AP3B1: variants seen among roughly 807,000 people sequenced by gnomAD.
AP3B1 encodes the protein adaptor related protein complex 3 subunit beta 1, also known as AP-3 complex subunit beta-1.
In AP3B1, 61 loss-of-function variants were observed where a neutral mutation model predicts 132.5. The ratio of observed to expected loss-of-function variants is 0.46; its 90% CI spans 0.37 to 0.57. The LOEUF (loss-of-function observed/expected upper bound fraction) is 0.57, where lower values mean the gene tolerates loss of function less well. Ranked by LOEUF, AP3B1 falls within the 20% of genes least tolerant of loss-of-function variation. The pLI is 0.00. For synonymous variants in AP3B1, 388 were observed against 438.3 expected, an observed-to-expected ratio of 0.89 and a Z score of 1.43; for missense variants, 1,120 against 1,289.4, an observed-to-expected ratio of 0.87 and a Z score of 2.01.
chr5:78,104,203 A>G (rs1751241819), intron 20 of AP3B1, among the ~76,000 whole-genome samples: 1 of 152,190 alleles, frequency 6.6e-6, no homozygotes, highest in Admixed American at 6.5e-5. Flanking sequence ...AGATAATTTA[A>G]TGACTTTTTT....
intron 15 of AP3B1, among the ~76,000 whole-genome samples, chr5:78,130,595 G>GGTC (rs1752644471): frequency 6.6e-6 from 1 of 152,000 alleles, no homozygotes; most frequent in Admixed American, 6.6e-5. Flanking sequence ...GCTGGTTCAA[G>GGTC]TACAGGTAAG....
At chr5:78,089,749 A>C (rs1035947919) in intron 21 of AP3B1, among the ~76,000 whole-genome samples, 2 of 152,212 alleles carry the variant, frequency 1.3e-5, no homozygotes, top group Non-Finnish European at 2.9e-5. Context: ...ATAGTTTGTG[A>C]AAATTTTTAT....
chr5:78,021,048 G>T (rs1277528845), intron 24 of AP3B1, among the ~76,000 whole-genome samples: 1 of 151,604 alleles, frequency 6.6e-6, no homozygotes, highest in Non-Finnish European at 1.5e-5. Context: ...ATTTGAAAAA[G>T]AACTTTAAAA....
In AP3B1 at chr5:78,108,559, T is replaced by C. The variant is rs375916373; in HGVS notation, c.2397+1648A>G. ...AAATAAGCCACCTAAGGGAAACACATGAACACAAAACTATCAACAATGTGA... is the reference window on the plus strand; with the variant it reads ...AAATAAGCCACCTAAGGGAAACACACGAACACAAAACTATCAACAATGTGA... On this transcript the variant is annotated intron_variant, in intron 20 of 26. Coordinates refer to ENST00000255194, the MANE Select transcript of AP3B1 (RefSeq NM_003664.5). Among the ~76,000 whole-genome samples the C allele has an allele frequency of 2.2e-4, 34 of 152,252 alleles. 1 individual carries two copies. Among genetic ancestry groups the C allele is most frequent in the East Asian group, 1.9e-3 (10 of 5,186 alleles).
chr5:78,127,794 T>C (rs538270258), intron 17 of AP3B1, among the ~76,000 whole-genome samples: 3 of 152,320 alleles, frequency 2.0e-5, no homozygotes, highest in East Asian at 3.9e-4. Flanking sequence ...GTGGCACTGA[T>C]GCAGAGAATT....
intron 6 of AP3B1, among the ~76,000 whole-genome samples, chr5:78,225,263 G>C (rs1164752309): frequency 3.3e-5 from 5 of 152,030 alleles, no homozygotes; most frequent in African/African-American, 1.2e-4. Context: ...TCTATTCCTT[G>C]ATCTTACCAT....
chr5:78,211,603 C>A (rs906213516), intron 7 of AP3B1, among the ~76,000 whole-genome samples: 1 of 152,166 alleles, frequency 6.6e-6, no homozygotes, highest in Non-Finnish European at 1.5e-5. Flanking sequence ...AGCATATTAA[C>A]GTAAACAAAT....
In AP3B1 at chr5:78,012,486, T is replaced by TAC. The variant is rs538944165; in HGVS notation, c.3131+2922_3131+2923dup. 1.2e-4 allele frequency among the ~76,000 whole-genome samples: 18 copies of TAC among 152,360 alleles called. No homozygotes were observed. The East Asian group carries it at 3.5e-3, about 29-fold the overall frequency. On this transcript the variant is annotated intron_variant, in intron 26 of 26. Transcript: ENST00000255194. ...AATAAAAATAACTTTAGGTGTTTGT[T>TAC]ACCTGGAAGCTTTCTAAAATTTAGA...
In AP3B1 at chr5:78,055,156, G is replaced by A. The variant is rs185949694; in HGVS notation, c.2578-15882C>T. On this transcript the variant is annotated intron_variant, in intron 22 of 26. Transcript: ENST00000255194. The stretch of plus-strand genomic sequence containing the variant: ...GGAGAGAACGTGATTTACTACATAA[G>A]GCCTGGTTTTCTTCATGGCAAAGGC... Among the ~76,000 whole-genome samples, 128 of 152,220 alleles carry A rather than the reference G, an allele frequency of 8.4e-4. 1 individual carries two copies. Among genetic ancestry groups the A allele is most frequent in the Middle Eastern group, 3.4e-3 (1 of 294 alleles).
At chr5:78,204,608 A>G (rs1326871624) in intron 7 of AP3B1, among the ~76,000 whole-genome samples, 1 of 152,140 alleles carries the variant, frequency 6.6e-6, no homozygotes, top group Non-Finnish European at 1.5e-5. Context: ...GTTTACTCCC[A>G]TTGATATCTA....
At chr5:78,175,287 C>G (rs182559945) in intron 11 of AP3B1, among the ~76,000 whole-genome samples, 1 of 152,194 alleles carries the variant, frequency 6.6e-6, no homozygotes, top group Non-Finnish European at 1.5e-5. Context: ...GCAGAAATCA[C>G]CCATCTTCTG....
intron 1 of AP3B1, among the ~76,000 whole-genome samples, chr5:78,284,442 AC>A (rs1331030685): frequency 6.6e-6 from 1 of 152,154 alleles, no homozygotes; most frequent in Non-Finnish European, 1.5e-5. Flanking sequence ...TAGCTACATA[AC>A]CTCATTTGTA....
Position 78,002,814 on chromosome 5 carries a change from AG to A in AP3B1, c.*87del. On this transcript the variant is annotated 3_prime_UTR_variant, in exon 27 of 27. Coordinates refer to ENST00000255194, the MANE Select transcript of AP3B1 (RefSeq NM_003664.5). ...TATTCTACCCCCACTGCCAGATGGA[AG>A]GGCTATTATTATAAATGAAAGGCAG... is the stretch of plus-strand genomic sequence containing the variant. The A allele has an allele frequency of 6.9e-7, 1 of 1,446,504 alleles. No individual in the cohort carries two copies. Among genetic ancestry groups the A allele is most frequent in the Non-Finnish European group, 9.7e-7 (1 of 1,027,264 alleles). 89.6% of individuals were successfully genotyped at this position (1,446,504 alleles called of 1,614,324 possible).
intron 26 of AP3B1, among the ~76,000 whole-genome samples, chr5:78,006,214 T>A (rs1258085251): frequency 6.6e-6 from 1 of 152,200 alleles, no homozygotes; most frequent in East Asian, 1.9e-4. Flanking sequence ...GTTGAAGAAC[T>A]TCCTCAGGGC....
intron 7 of AP3B1, among the ~76,000 whole-genome samples, chr5:78,187,155 C>T (rs1744638078): frequency 1.3e-5 from 2 of 152,136 alleles, no homozygotes; most frequent in African/African-American, 4.8e-5. Flanking sequence ...ACTTTTATAT[C>T]AAAGCTGGAC....
chr5:78,156,457 A>T, intron 13 of AP3B1, 90 bp from the exon 14 acceptor site: 1 of 989,020 alleles, frequency 1.0e-6, no homozygotes, highest in Non-Finnish European at 1.6e-6. Flanking sequence ...AATTAGAAAA[A>T]CATTCTATTT....
intron 19 of AP3B1, among the ~76,000 whole-genome samples, 184 bp from the exon 20 acceptor site, chr5:78,110,538 A>G (rs1377730958): frequency 5.3e-5 from 8 of 152,174 alleles, no homozygotes; most frequent in Admixed American, 5.2e-4. Context: ...TCAAATGCAA[A>G]AAGTCATAAA....
In AP3B1 at chr5:78,101,916, A is replaced by C. The variant is rs140797239; in HGVS notation, c.2398-891T>G. On this transcript the variant is annotated intron_variant, in intron 20 of 26. Transcript: ENST00000255194. ...CTAATCTATACTATTTTTTACATTAAATTTTCTCAATCACAGACCAAAACT... is the reference window on the plus strand; with the variant it reads ...CTAATCTATACTATTTTTTACATTACATTTTCTCAATCACAGACCAAAACT... Among the ~76,000 whole-genome samples, 718 of 152,204 alleles carry C rather than the reference A, an allele frequency of 4.7e-3. 4 individuals are homozygous for C. The highest frequency in any genetic ancestry group is 0.016 in the African/African-American group (669 of 41,552).
intron 7 of AP3B1, among the ~76,000 whole-genome samples, chr5:78,211,083 T>C (rs1745716596): frequency 1.3e-5 from 2 of 152,178 alleles, no homozygotes; most frequent in Non-Finnish European, 2.9e-5. Context: ...TTTATTAACC[T>C]AAAAGGTTTA....
Sources: allele counts gnomAD v4.1 joint callset (sites outside exome capture counted in the v4.1 genomes callset), GRCh38; gene constraint gnomAD v4.1.1; transcripts MANE v1.5; gene names NCBI Gene and HGNC (gene_info 2026-07-23, HGNC 2026-07-21).